The following CD151 variants were observed in gnomAD, a reference collection of about 807,000 sequenced individuals.
CD151 encodes the protein CD151 antigen.
In CD151, 20 loss-of-function variants were observed where a neutral mutation model predicts 34.2. The ratio of observed to expected loss-of-function variants is 0.58; its 90% CI spans 0.41 to 0.85. The LOEUF (loss-of-function observed/expected upper bound fraction) is 0.85, where lower values mean the gene tolerates loss of function less well. CD151 is among the 40% of genes least tolerant of loss of function. The pLI is 0.00. For missense variants in CD151, 306 were observed against 324.5 expected (o/e 0.94, Z 0.44); for synonymous variants, 157 against 131.7 (o/e 1.19, Z -1.32).
rs568567149 is a variant in CD151, at chr11:837,938, G to A, written c.616-4G>A. ...CGCCTTCAACACCCATCCGCGCCCC[G>A]CAGGGCGGCTGCATCACCAAGTTGG... On this transcript the variant is annotated splice_polypyrimidine_tract_variant and splice_region_variant and intron_variant, in intron 7 of 8. Coordinates refer to ENST00000397420, the MANE Select transcript of CD151 (RefSeq NM_004357.5). 266 of 1,610,032 alleles carry A rather than the reference G, an allele frequency of 1.7e-4. No homozygotes were observed. The highest frequency in any genetic ancestry group is 2.0e-4 in the Non-Finnish European group (241 of 1,178,258).
intron 8 of CD151, 44 bp downstream of exon 8, chr11:838,072 G>A: frequency 6.2e-7 from 1 of 1,608,554 alleles, no homozygotes; most frequent in Non-Finnish European, 8.5e-7. Context: ...GGGGACACGG[G>A]GCAGGGCGGT....
intron 2 of CD151, chr11:835,839 C>T (rs913671236): frequency 1.4e-5 from 7 of 487,292 alleles, no homozygotes; most frequent in African/African-American, 7.8e-5. Flanking sequence ...AGGCGCCCGC[C>T]ACCACGCCCG....
Position 836,150 on chromosome 11 carries a change from C to G in CD151, c.81C>G (p.Phe27Leu), listed in dbSNP as rs746358515. Residue 27 changes from phenylalanine (F) to leucine (L), a missense_variant, in exon 3 of 9, where the codon TTC becomes TTG. Phe to Leu is a conservative substitution (Grantham distance 22). Transcript: ENST00000397420. ...TGCTGTTTACCTACAATTGCTGCTT[C>G]TGGGTGAGGAGGGGTCGCCTTGCCC... ...KYLLFTYNCC[F>L]WLAGLAVMAV... 3 of 1,612,192 alleles carry G rather than the reference C, an allele frequency of 1.9e-6. No homozygotes were observed. Among genetic ancestry groups the G allele is most frequent in the Non-Finnish European group, 2.5e-6 (3 of 1,179,318 alleles).
chr11:833,955 C>T (rs1307488817), intron 1 of CD151: 1 of 152,368 alleles, frequency 6.6e-6, no homozygotes, highest in Non-Finnish European at 1.5e-5. Context: ...GTCTGTCCCC[C>T]TCCAGCTCCA....
intron 1 of CD151, 144 bp downstream of exon 1, chr11:833,170 T>C (rs1846594953): frequency 1.1e-5 from 1 of 94,972 alleles, no homozygotes. Flanking sequence ...GCCGGGAGGT[T>C]CCGGGAGGCC....
intron 1 of CD151, among the ~76,000 whole-genome samples, chr11:833,582 G>A (rs1490258316): frequency 6.6e-6 from 1 of 152,206 alleles, no homozygotes; most frequent in Non-Finnish European, 1.5e-5. Context: ...TGCAGGTCCC[G>A]GGGACTTGGG....
chr11:836,758 G>T lies in CD151; in HGVS notation c.277-11G>T. 6.2e-7 allele frequency: 1 copy of T among 1,609,826 alleles called. No homozygotes were observed. On this transcript the variant is annotated splice_polypyrimidine_tract_variant and intron_variant, in intron 4 of 8. Transcript: ENST00000397420. ...CTCAGAACAAGGGTGCCCTTGTGCT[G>T]CCCCCCCCAGTACTTCATCCTGCTC... is the stretch of plus-strand genomic sequence containing the variant.
At position 837,956 on chromosome 11, in the gene CD151, C is replaced by G. The variant is rs756061257; in HGVS notation, c.630C>G (p.Thr210=). The G allele has an allele frequency of 6.2e-6, 10 of 1,612,824 alleles. No individual in the cohort carries two copies. In the Admixed American group the frequency reaches 1.7e-4, roughly 27 times the overall value. Reference sequence around the variant, plus strand: ...GCGCCCCGCAGGGCGGCTGCATCACCAAGTTGGAGACCTTCATCCAGGAGC... The same window carrying G: ...GCGCCCCGCAGGGCGGCTGCATCACGAAGTTGGAGACCTTCATCCAGGAGC... ...NIYKVEGGCI[T]KLETFIQEHL... is the part of the protein sequence containing the mutation. The change falls in exon 8 of 9, where the codon ACC becomes ACG. Residue 210 remains threonine, a synonymous_variant. Transcript: ENST00000397420.
rs1846805104 is a variant in CD151, at chr11:837,137, C to T, written c.352-113C>T. On this transcript the variant is annotated intron_variant, in intron 5 of 8. Transcript: ENST00000397420. ...TGCCGAGGTGTGACCTCAGCCCTTC[C>T]CTGTGGCTCTGAGCTGGGCCCCGGG... is the stretch of plus-strand genomic sequence containing the variant. 4 of 860,614 alleles carry T rather than the reference C, an allele frequency of 4.6e-6. No homozygotes were observed. In the Admixed American group the frequency reaches 5.9e-5, roughly 13 times the overall value. 53.3% of individuals were successfully genotyped at this position (860,614 alleles called of 1,614,324 possible). A position where few individuals can be genotyped will look rare whatever the true frequency, so the allele number is the denominator to read the frequency against.
rs199919101 is a variant in CD151, at chr11:837,925, C to G, written c.616-17C>G. The G allele has an allele frequency of 4.6e-5, 73 of 1,599,502 alleles. No homozygotes were observed. In the African/African-American group the frequency reaches 7.4e-4, roughly 16 times the overall value. ...TGCCCCCTGGGCCCGCCTTCAACACCCATCCGCGCCCCGCAGGGCGGCTGC... is the reference window on the plus strand; with the variant it reads ...TGCCCCCTGGGCCCGCCTTCAACACGCATCCGCGCCCCGCAGGGCGGCTGC... On this transcript the variant is annotated splice_polypyrimidine_tract_variant and intron_variant, in intron 7 of 8. Transcript: ENST00000397420.
chr11:836,198 C>CCG, intron 3 of CD151, 45 bp downstream of exon 3: 3 of 1,564,128 alleles, frequency 1.9e-6, no homozygotes, highest in Non-Finnish European at 1.8e-6. Flanking sequence ...CCACCCCTCC[C>CCG]GGGCCACCAT....
chr11:833,043 G>C lies in CD151; in HGVS notation c.-70+17G>C, dbSNP rs1213916121. The C allele has an allele frequency of 6.6e-6, 1 of 151,094 alleles. No homozygotes were observed. Among genetic ancestry groups the C allele is most frequent in the Non-Finnish European group, 1.5e-5 (1 of 67,440 alleles). The allele number at this position is 151,094 out of a possible 1,614,324, so 9.4% of individuals were successfully genotyped here. On this transcript the variant is annotated intron_variant, in intron 1 of 8. Coordinates refer to ENST00000397420, the MANE Select transcript of CD151 (RefSeq NM_004357.5). ...GCGTGGTAGGTGAGTGCGCGGCCAC[G>C]ACAGCTCGGCCGAGCGGGGCGAGCG...
chr11:837,688 T>G, intron 7 of CD151, 70 bp downstream of exon 7: 1 of 1,489,308 alleles, frequency 6.7e-7, no homozygotes, highest in Non-Finnish European at 9.2e-7. Context: ...TGACTGGCTG[T>G]GGGCAGTGGG....
Position 836,171 on chromosome 11 carries a change from T to TGGGGGGG in CD151, c.84+19_84+20insGGGGGGG. 6.4e-7 allele frequency: 1 copy of TGGGGGGG among 1,563,394 alleles called. No individual in the cohort carries two copies. Among genetic ancestry groups the TGGGGGGG allele is most frequent in the Non-Finnish European group, 8.8e-7 (1 of 1,135,828 alleles). On this transcript the variant is annotated intron_variant, in intron 3 of 8. Coordinates refer to ENST00000397420, the MANE Select transcript of CD151 (RefSeq NM_004357.5). Reference sequence around the variant, plus strand: ...GCTTCTGGGTGAGGAGGGGTCGCCTTGCCCCCACCCCCACCCCCACCCCTC... The same window carrying TGGGGGGG: ...GCTTCTGGGTGAGGAGGGGTCGCCTTGGGGGGGGCCCCCACCCCCACCCCCACCCCTC...
Position 837,482 on chromosome 11 carries a change from A to C in CD151, c.479A>C (p.Asn160Thr), listed in dbSNP as rs949679706. 12 of 1,612,618 alleles carry C rather than the reference A, an allele frequency of 7.4e-6. No individual in the cohort carries two copies. The highest frequency in any genetic ancestry group is 8.5e-6 in the Non-Finnish European group (10 of 1,179,938). Residue 160 changes from asparagine to threonine, a missense_variant, in exon 7 of 9, where the codon AAC becomes ACC. By Grantham distance (65) the Asn-to-Thr change is moderately conservative. Coordinates refer to ENST00000397420, the MANE Select transcript of CD151 (RefSeq NM_004357.5). Reference sequence around the variant, plus strand: ...CAGTTCCACTGCTGTGGCAGCAACAACTCACAGGACTGGCGAGACAGTGAG... The same window carrying C: ...CAGTTCCACTGCTGTGGCAGCAACACCTCACAGGACTGGCGAGACAGTGAG... ...QQEFHCCGSN[N>T]SQDWRDSEWI...
At chr11:833,543 G>A (rs1009972022) in intron 1 of CD151, among the ~76,000 whole-genome samples, 1 of 152,230 alleles carries the variant, frequency 6.6e-6, no homozygotes, top group African/African-American at 2.4e-5. Context: ...GGCTCCCCCT[G>A]ATAGGGCGCG....
intron 1 of CD151, among the ~76,000 whole-genome samples, chr11:833,599 C>G (rs1401594387): frequency 2.0e-5 from 3 of 152,180 alleles, no homozygotes; most frequent in Non-Finnish European, 4.4e-5. Flanking sequence ...TGGGGAGGAA[C>G]AGACAACTAT....
At chr11:834,003 G>A (rs916198875) in intron 1 of CD151, 1 of 152,384 alleles carries the variant, frequency 6.6e-6, no homozygotes, top group Non-Finnish European at 1.5e-5. Context: ...AGCTGCCGCT[G>A]TTTGTGGGGG....
In CD151 at chr11:837,295, C is replaced by G. The variant is rs569327790; in HGVS notation, c.397C>G (p.Arg133Gly). 5 of 1,612,920 alleles carry G rather than the reference C, an allele frequency of 3.1e-6. No homozygotes were observed. The highest frequency in any genetic ancestry group is 4.2e-6 in the Non-Finnish European group (5 of 1,179,972). ...GAACCTGAAGGACACCATGACCAAG[C>G]GCTACCACCAGCCGGGCCATGAGGC... is the stretch of plus-strand genomic sequence containing the variant. The part of the protein sequence containing the change: ...KENLKDTMTK[R>G]YHQPGHEAVT... The change falls in exon 6 of 9, where the codon CGC (arginine) becomes GGC (glycine). Residue 133 changes from arginine (R) to glycine (G), a missense_variant. Arg to Gly is a moderately radical substitution (Grantham distance 125, BLOSUM62 -2). Coordinates refer to ENST00000397420, the MANE Select transcript of CD151 (RefSeq NM_004357.5).
Sources: allele counts gnomAD v4.1 joint callset (sites outside exome capture counted in the v4.1 genomes callset), GRCh38; gene constraint gnomAD v4.1.1; transcripts MANE v1.5; gene names NCBI Gene and HGNC (gene_info 2026-07-23, HGNC 2026-07-21).